The following CAD variants were observed in gnomAD, a reference collection of about 807,000 sequenced individuals.
CAD encodes the protein carbamoyl-phosphate synthetase 2, aspartate transcarbamylase, and dihydroorotase, also known as multifunctional protein CAD.
A neutral mutation model predicts 237.2 loss-of-function variants in CAD; 81 were observed. That is an observed-to-expected ratio of 0.34 (90% confidence interval 0.29 to 0.41). The LOEUF (loss-of-function observed/expected upper bound fraction) is 0.41, where lower values mean the gene tolerates loss of function less well. CAD is among the 10% of genes least tolerant of loss of function. The pLI, the probability that CAD is intolerant of heterozygous loss-of-function variation, is 1.00. For synonymous variants in CAD, 1,196 were observed against 1,162.8 expected, an observed-to-expected ratio of 1.03 and a Z score of -0.58; for missense variants, 2,181 against 2,951.7, an observed-to-expected ratio of 0.74 and a Z score of 6.05.
Position 27,239,043 on chromosome 2 carries a change from T to C in CAD, c.5064T>C (p.Ala1688=). The C allele has an allele frequency of 6.5e-7, 1 of 1,547,146 alleles. No individual in the cohort carries two copies. The highest frequency in any genetic ancestry group is 8.7e-7 in the Non-Finnish European group (1 of 1,150,086). Residue 1688 remains alanine (A), a splice_region_variant and synonymous_variant, in exon 32 of 44, where the codon GCT becomes GCC. Transcript: ENST00000264705. This position sits in a 1 kb window ranked among gnomAD's most constrained non-coding sequence, Gnocchi z 4.0. ...GGGTAATGGCTTTCTTTCTCCCAGC[T>C]CCCCATACCTTGGAGGAGAAGTGTG... ...AVIDCFASDH[A]PHTLEEKCGS...
At position 27,238,459 on chromosome 2, in the gene CAD, G is replaced by A. The variant is rs375486999; in HGVS notation, c.4889G>A (p.Arg1630Gln). The change falls in exon 31 of 44, where the codon CGG becomes CAG. Residue 1630 changes from arginine (R) to glutamine (Q), a missense_variant. Physicochemically the swap from Arg to Gln is conservative, Grantham distance 43. Around this residue, in one of 12 missense-constraint regions of CAD, gnomAD observed 478 missense variants for 515.0 expected, o/e 0.93. Coordinates refer to ENST00000264705, the MANE Select transcript of CAD (RefSeq NM_004341.5). ...CTGCTAATTAAAGCTGCAAAGGCACGGGGCTTGCCAGTGACCTGCGAGGTG... is the reference window on the plus strand; with the variant it reads ...CTGCTAATTAAAGCTGCAAAGGCACAGGGCTTGCCAGTGACCTGCGAGGTG... ...EILLIKAAKA[R>Q]GLPVTCEVAP... is the part of the protein sequence containing the mutation. 8.1e-6 allele frequency: 13 copies of A among 1,596,040 alleles called. No homozygotes were observed. Among genetic ancestry groups the A allele is most frequent in the Admixed American group, 7.0e-5 (4 of 57,228 alleles).
Position 27,235,192 on chromosome 2 carries a change from G to C in CAD, c.3787-53G>C, listed in dbSNP as rs758346025. Reference sequence around the variant, plus strand: ...GTACTGTGTCCGTCTCTGCTGGTGAGGGAGGAGGTCCTCTCACACCTTGGC... The same window carrying C: ...GTACTGTGTCCGTCTCTGCTGGTGACGGAGGAGGTCCTCTCACACCTTGGC... On this transcript the variant is annotated intron_variant, in intron 23 of 43. Transcript: ENST00000264705. This position sits in a 1 kb window ranked among gnomAD's most constrained non-coding sequence, Gnocchi z 5.2. 6.7e-7 allele frequency: 1 copy of C among 1,493,314 alleles called. No individual in the cohort carries two copies. Among genetic ancestry groups the C allele is most frequent in the South Asian group, 1.3e-5 (1 of 78,676 alleles). 92.5% of individuals were successfully genotyped at this position (1,493,314 alleles called of 1,614,324 possible).
rs1676225921 is a variant in CAD at position 27,240,069 on chromosome 2, C to T, written c.5497-196C>T. 6.6e-6 allele frequency: 4 copies of T among 606,540 alleles called. No individual in the cohort carries two copies. The highest frequency in any genetic ancestry group is 1.2e-5 in the Non-Finnish European group (4 of 345,930). 37.6% of individuals were successfully genotyped at this position (606,540 alleles called of 1,614,324 possible). ...CAGCCTAGCCAACATGGTGAAACCC[C>T]ATCTCTACTAAAAATAAAAAAATTA... On this transcript the variant is annotated intron_variant, in intron 34 of 43. Transcript: ENST00000264705. This position sits in a 1 kb window ranked among gnomAD's most constrained non-coding sequence, Gnocchi z 4.6.
intron 6 of CAD, 127 bp from the exon 7 acceptor site, chr2:27,223,430 CAAAAAA>C (rs71834349): frequency 1.1e-5 from 7 of 624,850 alleles, no homozygotes; most frequent in Non-Finnish European, 1.5e-5. Context: ...GACTCCGTCT[CAAAAAA>C]AAAAAAAAAA....
At position 27,235,544 on chromosome 2, in the gene CAD, C is replaced by T. The variant is rs760048983; in HGVS notation, c.3978C>T (p.Ser1326=). Residue 1326 remains serine, a synonymous_variant, in exon 25 of 44, where the codon AGC becomes AGT. Coordinates refer to ENST00000264705, the MANE Select transcript of CAD (RefSeq NM_004341.5). The surrounding 1 kb of genome is among the most constrained non-coding windows in gnomAD (Gnocchi z 5.2). ...LLTIGSYKNK[S]ELLPTVRLLE... ...CTTCTGTTTGGTTTCAGAACAAAAGCGAGCTGCTCCCAACTGTGCGGCTAC... is the reference window on the plus strand; with the variant it reads ...CTTCTGTTTGGTTTCAGAACAAAAGTGAGCTGCTCCCAACTGTGCGGCTAC... 3.1e-6 allele frequency: 5 copies of T among 1,613,942 alleles called. No homozygotes were observed. The highest frequency in any genetic ancestry group is 1.3e-5 in the African/African-American group (1 of 74,914).
rs528898303 is a variant in CAD at position 27,225,347 on chromosome 2, C to T, written c.1620+104C>T. 4.0e-5 allele frequency: 27 copies of T among 673,824 alleles called. No individual in the cohort carries two copies. The African/African-American group carries it at 4.5e-4, about 11-fold the overall frequency. 41.7% of individuals were successfully genotyped at this position (673,824 alleles called of 1,614,324 possible). On this transcript the variant is annotated intron_variant, in intron 11 of 43. Transcript: ENST00000264705. The stretch of plus-strand genomic sequence containing the variant: ...TTGAGACGGAGTTTCGCTCTTGTTG[C>T]GCAGGCTGGAGTACAGTGGCGTGAT...
At chr2:27,219,881 G>C (rs1289680580) in intron 2 of CAD, among the ~76,000 whole-genome samples, 1 of 152,122 alleles carries the variant, frequency 6.6e-6, no homozygotes, top group Non-Finnish European at 1.5e-5. Context: ...GAGCCACCGC[G>C]CCTGGCCTTT....
rs200758273 is a variant in CAD, at chr2:27,234,616, G to T, written c.3717G>T (p.Thr1239=). The T allele has an allele frequency of 1.4e-5, 22 of 1,613,954 alleles. No individual in the cohort carries two copies. The highest frequency in any genetic ancestry group is 1.9e-5 in the Non-Finnish European group (22 of 1,179,968). Residue 1239 remains threonine (T), a synonymous_variant, in exon 23 of 44, where the codon ACG becomes ACT. Transcript: ENST00000264705. ...GTGTGGACCTAGTAGCCTTGGCCAC[G>T]CGGGTCATCATGGGGGAAGAAGTGG... ...TLGVDLVALA[T]RVIMGEEVEP...
Position 27,217,950 on chromosome 2 carries a change from C to T in CAD, c.156C>T (p.Leu52=). Residue 52 remains leucine, a synonymous_variant, in exon 2 of 44, where the codon CTC becomes CTT. Transcript: ENST00000264705. ...DPSYKAQILV[L]TYPLIGNYGI... ...CCTACAAGGCACAGATCTTAGTGCT[C>T]ACCTATCCTCTGATCGGCAACTATG... 2 of 1,613,086 alleles carry T rather than the reference C, an allele frequency of 1.2e-6. No homozygotes were observed. The highest frequency in any genetic ancestry group is 2.2e-5 in the South Asian group (2 of 90,944).
chr2:27,236,134 C>T lies in CAD; in HGVS notation c.4075-150C>T. 1.1e-6 allele frequency: 1 copy of T among 924,980 alleles called. No homozygotes were observed. 57.3% of individuals were successfully genotyped at this position (924,980 alleles called of 1,614,324 possible). On this transcript the variant is annotated intron_variant, in intron 25 of 43. Transcript: ENST00000264705. This position sits in a 1 kb window ranked among gnomAD's most constrained non-coding sequence, Gnocchi z 4.1. ...CTTTCCTGCCAAGAAATACACTTTG[C>T]CAGTATCAAATAGAGGCAGCCCTCA...
intron 8 of CAD, 139 bp from the exon 9 acceptor site, chr2:27,224,206 C>T (rs1450972002): frequency 3.0e-6 from 3 of 1,001,226 alleles, no homozygotes; most frequent in Non-Finnish European, 4.5e-6. Flanking sequence ...ACTCCAGGGT[C>T]CTGGGTTCTG....
chr2:27,239,730 C>G lies in CAD; in HGVS notation c.5428C>G (p.Arg1810Gly), dbSNP rs749313159. Residue 1810 changes from arginine (R) to glycine (G), a missense_variant, in exon 34 of 44, where the codon CGG (arginine) becomes GGG (glycine). Transcript: ENST00000264705. The surrounding 1 kb of genome is among the most constrained non-coding windows in gnomAD (Gnocchi z 4.0). Reference protein sequence around the residue: ...LVPPGYGQDVRKWPQGAVPQL... With the variant: ...LVPPGYGQDVGKWPQGAVPQL... ...ACCCCCGGGCTATGGACAGGATGTA[C>G]GGAAGTGGCCACAGGGGGCTGTTCC... The G allele has an allele frequency of 6.3e-7, 1 of 1,593,816 alleles. No individual in the cohort carries two copies. Among genetic ancestry groups the G allele is most frequent in the Non-Finnish European group, 8.5e-7 (1 of 1,169,770 alleles).
In CAD at chr2:27,233,983, C is replaced by T. The variant is rs527510250; in HGVS notation, c.3400-25C>T. On this transcript the variant is annotated intron_variant, in intron 21 of 43. Coordinates refer to ENST00000264705, the MANE Select transcript of CAD (RefSeq NM_004341.5). The surrounding 1 kb of genome is among the most constrained non-coding windows in gnomAD (Gnocchi z 6.3). The stretch of plus-strand genomic sequence containing the variant: ...GTGAGAGAAGAAAGTGGCCCTATGT[C>T]CCACTGTCTGTGTCCCCCCGCTAGG... The T allele has an allele frequency of 5.0e-6, 8 of 1,602,050 alleles. 1 individual carries two copies. In the African/African-American group the frequency reaches 1.1e-4, roughly 21 times the overall value.
In CAD at chr2:27,233,434, C is replaced by G; in HGVS notation, c.3114C>G (p.Ser1038=). 1 of 1,614,232 alleles carries G rather than the reference C, an allele frequency of 6.2e-7. No individual in the cohort carries two copies. Among genetic ancestry groups the G allele is most frequent in the Non-Finnish European group, 8.5e-7 (1 of 1,180,048 alleles). The change falls in exon 20 of 44, where the codon TCC becomes TCG. Residue 1038 remains serine, a synonymous_variant. Transcript: ENST00000264705. The surrounding 1 kb of genome is among the most constrained non-coding windows in gnomAD (Gnocchi z 6.3). ...AGCAGTGCCGGGTGCTGGGCACCTC[C>G]CCTGAAGCCATTGACTCGGCTGAGA... ...HRQQCRVLGT[S]PEAIDSAENR... is the part of the protein sequence containing the mutation.
Position 27,241,523 on chromosome 2 carries a change from T to A in CAD, c.5883+127T>A, listed in dbSNP as rs1409864820. ...CATCCCGTCCCCTTATGCTAGTCCA[T>A]CCCTCTGCTGCTGTAGATCTTCCCC... On this transcript the variant is annotated intron_variant, in intron 38 of 43. Coordinates refer to ENST00000264705, the MANE Select transcript of CAD (RefSeq NM_004341.5). The surrounding 1 kb of genome is among the most constrained non-coding windows in gnomAD (Gnocchi z 4.6). The A allele has an allele frequency of 1.1e-6, 1 of 879,612 alleles. No homozygotes were observed. Among genetic ancestry groups the A allele is most frequent in the Non-Finnish European group, 1.8e-6 (1 of 543,154 alleles). 54.5% of individuals were successfully genotyped at this position (879,612 alleles called of 1,614,324 possible).
At chr2:27,221,914 T>TA (rs1675190778) in intron 3 of CAD, among the ~76,000 whole-genome samples, 1 of 149,142 alleles carries the variant, frequency 6.7e-6, no homozygotes, top group Non-Finnish European at 1.5e-5. Flanking sequence ...AGTCTGCACT[T>TA]ACTTGGTTAC....
chr2:27,239,819 G>A lies in CAD; in HGVS notation c.5496+21G>A. 1 of 1,495,326 alleles carries A rather than the reference G, an allele frequency of 6.7e-7. No homozygotes were observed. The highest frequency in any genetic ancestry group is 9.0e-7 in the Non-Finnish European group (1 of 1,112,194). The allele number at this position is 1,495,326 out of a possible 1,614,324, so 92.6% of individuals were successfully genotyped here. ...CCACGGTATCCACACTACTGGGCTA[G>A]GGGGCTGGGAGGTGTTAGTCTCAGG... is the stretch of plus-strand genomic sequence containing the variant. On this transcript the variant is annotated intron_variant, in intron 34 of 43. Coordinates refer to ENST00000264705, the MANE Select transcript of CAD (RefSeq NM_004341.5). This position sits in a 1 kb window ranked among gnomAD's most constrained non-coding sequence, Gnocchi z 4.0.
chr2:27,240,723 C>A lies in CAD; in HGVS notation c.5594-188C>A, dbSNP rs1418863819. 3.1e-6 allele frequency: 4 copies of A among 1,293,790 alleles called. No homozygotes were observed. In the African/African-American group the frequency reaches 5.9e-5, roughly 19 times the overall value. The allele number at this position is 1,293,790 out of a possible 1,614,324, so 80.1% of individuals were successfully genotyped here. A position where few individuals can be genotyped will look rare whatever the true frequency, so the allele number is the denominator to read the frequency against. ...AGGGCACCACTGCTCCCATACAACA[C>A]AGCCCCATGGGAAGCCACCTGTCTG... On this transcript the variant is annotated intron_variant, in intron 35 of 43. Transcript: ENST00000264705. The surrounding 1 kb of genome is among the most constrained non-coding windows in gnomAD (Gnocchi z 4.6).
Position 27,241,406 on chromosome 2 carries a change from A to G in CAD, c.5883+10A>G. The G allele has an allele frequency of 6.2e-7, 1 of 1,613,604 alleles. No homozygotes were observed. The highest frequency in any genetic ancestry group is 8.5e-7 in the Non-Finnish European group (1 of 1,179,474). ...CCTCGACATCCTGAAGGTCAGGATC[A>G]GGGCCGGGGGTAGGGTCCAGGCCAT... On this transcript the variant is annotated intron_variant, in intron 38 of 43. Transcript: ENST00000264705. The surrounding 1 kb of genome is among the most constrained non-coding windows in gnomAD (Gnocchi z 4.6).
Sources: allele counts gnomAD v4.1 joint callset (sites outside exome capture counted in the v4.1 genomes callset), GRCh38; gene constraint gnomAD v4.1.1; regional missense constraint gnomAD v4.1.1; non-coding constraint Gnocchi (gnomAD v3.1); transcripts MANE v1.5; gene names NCBI Gene and HGNC (gene_info 2026-07-23, HGNC 2026-07-21).